PLXNA4: variants seen among roughly 807,000 people sequenced by gnomAD.
The protein encoded by PLXNA4 is plexin A4.
In PLXNA4, 44 loss-of-function variants were observed where a neutral mutation model predicts 191.8. The observed-to-expected ratio is 0.23, with a 90% CI of 0.18 to 0.29. PLXNA4 has a LOEUF of 0.29. Among genes scored for constraint, PLXNA4 ranks in the 10% least tolerant of loss-of-function variants. The probability of loss-of-function intolerance (pLI) is 1.00; values close to 1 mark genes in which losing one functional copy is unlikely to be tolerated. For missense variants in PLXNA4, 1,800 were observed against 2,488.8 expected, an observed-to-expected ratio of 0.72 and a Z score of 5.89; for synonymous variants, 1,082 against 1,009.5, an observed-to-expected ratio of 1.07 and a Z score of -1.36.
chr7:132,323,457 C>T lies in PLXNA4; in HGVS notation c.1372-25235G>A, dbSNP rs548296648. On this transcript the variant is annotated intron_variant, in intron 3 of 31. Coordinates refer to ENST00000321063, the MANE Select transcript of PLXNA4 (RefSeq NM_020911.2). Reference sequence around the variant, plus strand: ...AAAGCCTAAGAGAAAGTGGTAAAAGCAAAGCCTTCAACAACAAAACCCCAA... The same window carrying T: ...AAAGCCTAAGAGAAAGTGGTAAAAGTAAAGCCTTCAACAACAAAACCCCAA... 5.9e-5 allele frequency among the ~76,000 whole-genome samples: 9 copies of T among 152,300 alleles called. 1 individual carries two copies. The East Asian group carries it at 1.5e-3, about 26-fold the overall frequency.
At chr7:132,584,692 G>C (rs1390677345) in intron 2 of PLXNA4, among the ~76,000 whole-genome samples, 2 of 152,118 alleles carry the variant, frequency 1.3e-5, no homozygotes, top group Admixed American at 1.3e-4. Context: ...ATTTTGGAAG[G>C]ATACACAAAA....
intron 23 of PLXNA4, 96 bp downstream of exon 23, chr7:132,165,038 C>A: frequency 1.3e-6 from 2 of 1,503,254 alleles, no homozygotes; most frequent in Non-Finnish European, 1.8e-6. Flanking sequence ...AGAGCCAGGC[C>A]CAGTAAGGGA....
At position 132,508,118 on chromosome 7, in the gene PLXNA4, C is replaced by T; in HGVS notation, c.576G>A (p.Lys192=). The change falls in exon 2 of 32, where the codon AAG becomes AAA. Residue 192 remains lysine, a synonymous_variant. Coordinates refer to ENST00000321063, the MANE Select transcript of PLXNA4 (RefSeq NM_020911.2). The surrounding 1 kb of genome is among the most constrained non-coding windows in gnomAD (Gnocchi z 4.4). ...KLFIATAVDG[K]PEYFPTISSR... ...TGGAGATGGTGGGAAAATACTCGGGCTTCCCATCCACTGCCGTGGCAATGA... is the reference window on the plus strand; with the variant it reads ...TGGAGATGGTGGGAAAATACTCGGGTTTCCCATCCACTGCCGTGGCAATGA... 1.2e-6 allele frequency: 2 copies of T among 1,614,190 alleles called. No individual in the cohort carries two copies. The highest frequency in any genetic ancestry group is 2.2e-5 in the East Asian group (1 of 44,862).
intron 2 of PLXNA4, among the ~76,000 whole-genome samples, chr7:132,637,289 G>T (rs1311943194): frequency 6.6e-6 from 1 of 152,094 alleles, no homozygotes; most frequent in Non-Finnish European, 1.5e-5. Context: ...CAACGTGATG[G>T]CCCTGTCCAA....
chr7:132,139,164 A>G (rs572682023), intron 30 of PLXNA4, among the ~76,000 whole-genome samples: 89 of 152,314 alleles, frequency 5.8e-4, no homozygotes, highest in African/African-American at 2.1e-3. Flanking sequence ...TGGACAGCTG[A>G]GGTGGCATGT....
Position 132,597,259 on chromosome 7 carries a change from G to A in PLXNA4, c.-87+48669C>T, listed in dbSNP as rs79436880. On this transcript the variant is annotated intron_variant, in intron 2 of 4. Transcript: ENST00000378539. ...GAATTACATTATTTCTGTTCATGCCGGTCTCCCCCAATAGTTTGTTGTCTT... is the reference window on the plus strand; with the variant it reads ...GAATTACATTATTTCTGTTCATGCCAGTCTCCCCCAATAGTTTGTTGTCTT... Among the ~76,000 whole-genome samples the A allele has an allele frequency of 5.7e-3, 871 of 151,898 alleles. 12 individuals are homozygous for A. Among genetic ancestry groups the A allele is most frequent in the African/African-American group, 0.019 (787 of 41,416 alleles).
chr7:132,136,725 T>G (rs1009836818), intron 30 of PLXNA4, among the ~76,000 whole-genome samples: 3 of 152,180 alleles, frequency 2.0e-5, no homozygotes, highest in Admixed American at 6.5e-5. Flanking sequence ...CTGTAGTGAT[T>G]GGGAAGATGG....
Position 132,318,684 on chromosome 7 carries a change from T to A in PLXNA4, c.1372-20462A>T, listed in dbSNP as rs999177781. Among the ~76,000 whole-genome samples, 10 of 147,226 alleles carry A rather than the reference T, an allele frequency of 6.8e-5. No homozygotes were observed. In the East Asian group the frequency reaches 1.6e-3, roughly 23 times the overall value. On this transcript the variant is annotated intron_variant, in intron 3 of 31. Coordinates refer to ENST00000321063, the MANE Select transcript of PLXNA4 (RefSeq NM_020911.2). ...TGCTTTTTTTTTTTTTTTTTTTTTT[T>A]AATTCTTCTCCCCCACTCCAATCTC...
chr7:132,140,020 G>T lies in PLXNA4; in HGVS notation c.5438+579C>A, dbSNP rs145550368. Among the ~76,000 whole-genome samples, 251 of 152,302 alleles carry T rather than the reference G, an allele frequency of 1.6e-3. 3 individuals carry two copies. In the East Asian group the frequency reaches 0.039, roughly 23 times the overall value. On this transcript the variant is annotated intron_variant, in intron 30 of 31. Transcript: ENST00000321063. Reference sequence around the variant, plus strand: ...AGCCCAGCCCTGCGGCTCATAGGGGGACCTTCAGTCACGAGAGCTCTGCAG... The same window carrying T: ...AGCCCAGCCCTGCGGCTCATAGGGGTACCTTCAGTCACGAGAGCTCTGCAG...
At chr7:132,317,292 G>A (rs945208722) in intron 3 of PLXNA4, among the ~76,000 whole-genome samples, 1 of 151,572 alleles carries the variant, frequency 6.6e-6, no homozygotes, top group African/African-American at 2.4e-5. Context: ...ATTGAATTGG[G>A]TTGAGTTAGG....
intron 3 of PLXNA4, among the ~76,000 whole-genome samples, chr7:132,435,570 T>C (rs959109083): frequency 2.7e-5 from 4 of 150,810 alleles, no homozygotes; most frequent in South Asian, 4.2e-4. Flanking sequence ...CAATGAGGAG[T>C]GTTGAAGAAA....
chr7:132,390,725 C>T (rs1319756381), intron 3 of PLXNA4, among the ~76,000 whole-genome samples: 5 of 152,100 alleles, frequency 3.3e-5, no homozygotes, highest in Admixed American at 2.6e-4. Flanking sequence ...CCACCAACCA[C>T]TCTCCTTCTT....
intron 3 of PLXNA4, among the ~76,000 whole-genome samples, chr7:132,479,423 C>G (rs928153073): frequency 2.6e-5 from 4 of 152,180 alleles, no homozygotes; most frequent in Non-Finnish European, 5.9e-5. Context: ...CCTTGGAGAG[C>G]CTTTCCTAAA....
At chr7:132,271,977 A>C (rs57599946) in intron 4 of PLXNA4, among the ~76,000 whole-genome samples, 5,889 of 152,278 alleles carry the variant, frequency 0.039, 385 homozygotes, top group African/African-American at 0.13. Flanking sequence ...CAAGATTTTG[A>C]AAATTTGGAC....
At chr7:132,212,066 C>T (rs1457999574) in intron 9 of PLXNA4, among the ~76,000 whole-genome samples, 1 of 152,180 alleles carries the variant, frequency 6.6e-6, no homozygotes, top group Non-Finnish European at 1.5e-5. Context: ...CCTTCCATAA[C>T]ACAAGCATGG....
chr7:132,341,096 T>A (rs1245230229), intron 3 of PLXNA4, among the ~76,000 whole-genome samples: 1 of 152,154 alleles, frequency 6.6e-6, no homozygotes, highest in Non-Finnish European at 1.5e-5. Flanking sequence ...CTGACCCCTA[T>A]CCAGGCCCTA....
intron 4 of PLXNA4, among the ~76,000 whole-genome samples, chr7:132,258,319 A>G (rs1469947162): frequency 6.6e-6 from 1 of 152,256 alleles, no homozygotes. Flanking sequence ...TTAGCTTTGC[A>G]TGCCTCAGCT....
At chr7:132,502,196 C>G (rs1402357045) in intron 2 of PLXNA4, among the ~76,000 whole-genome samples, 2 of 152,156 alleles carry the variant, frequency 1.3e-5, no homozygotes, top group Non-Finnish European at 2.9e-5. Flanking sequence ...GAGTAACCAC[C>G]CAGACTGGAA....
rs77131009 is a variant in PLXNA4 at position 132,463,184 on chromosome 7, A to G, written c.1371+26108T>C. Reference sequence around the variant, plus strand: ...TTCTTAAAAACAATCAACATTATAAAAAATAAAAATTGTAGGGTACCATGA... The same window carrying G: ...TTCTTAAAAACAATCAACATTATAAGAAATAAAAATTGTAGGGTACCATGA... On this transcript the variant is annotated intron_variant, in intron 3 of 31. Transcript: ENST00000321063. Among the ~76,000 whole-genome samples, 729 of 152,276 alleles carry G rather than the reference A, an allele frequency of 4.8e-3. 4 individuals carry two copies. Among genetic ancestry groups the G allele is most frequent in the Non-Finnish European group, 6.8e-3 (463 of 68,022 alleles).
Sources: allele counts gnomAD v4.1 joint callset (sites outside exome capture counted in the v4.1 genomes callset), GRCh38; gene constraint gnomAD v4.1.1; non-coding constraint Gnocchi (gnomAD v3.1); transcripts MANE v1.5; gene names NCBI Gene and HGNC (gene_info 2026-07-23, HGNC 2026-07-21).